Variants in DCAF6 observed in about 807,000 individuals in gnomAD.
DCAF6 encodes DDB1- and CUL4-associated factor 6.
A neutral mutation model predicts 125.1 loss-of-function variants in DCAF6; 54 were observed. That is an observed-to-expected ratio of 0.43 (90% CI 0.35 to 0.54). The LOEUF (loss-of-function observed/expected upper bound fraction) is 0.54. DCAF6 is among the 20% of genes least tolerant of loss of function. The pLI is 0.01. For synonymous variants in DCAF6, 371 were observed against 390.4 expected, an observed-to-expected ratio of 0.95 and a Z score of 0.58; for missense variants, 934 against 1,161.7, an observed-to-expected ratio of 0.80 and a Z score of 2.85.
the DCAF6 span, among the ~76,000 whole-genome samples, chr1:167,865,720 A>G: frequency 6.6e-6 from 1 of 152,266 alleles, no homozygotes; most frequent in Non-Finnish European, 1.5e-5. Context: ...TTAAGACAGC[A>G]TACCAAGATG....
the DCAF6 span, among the ~76,000 whole-genome samples, chr1:167,882,540 C>A: frequency 1.3e-5 from 2 of 150,532 alleles, no homozygotes; most frequent in South Asian, 4.2e-4. Context: ...CAGAGGCAGT[C>A]CCCTCCCTGC....
At chr1:168,036,537 C>G (rs1292153501) in intron 12 of DCAF6, among the ~76,000 whole-genome samples, 2 of 152,214 alleles carry the variant, frequency 1.3e-5, no homozygotes, top group African/African-American at 2.4e-5. Context: ...CTTTAGCTGT[C>G]TGTTTCATCT....
intron 17 of DCAF6, among the ~76,000 whole-genome samples, chr1:168,057,171 T>C (rs555272151): frequency 6.6e-6 from 1 of 152,346 alleles, no homozygotes; most frequent in Admixed American, 6.5e-5. Context: ...TGTGCCATTC[T>C]ACCTATGTGT....
chr1:167,916,834 C>G, the DCAF6 span: 4 of 152,194 alleles, frequency 2.6e-5, no homozygotes, highest in Non-Finnish European at 4.4e-5. Context: ...ATGCCAAACA[C>G]ACAAATGAAT....
intron 10 of DCAF6, among the ~76,000 whole-genome samples, chr1:168,009,689 C>G (rs1684015634): frequency 6.6e-6 from 1 of 152,038 alleles, no homozygotes; most frequent in African/African-American, 2.4e-5. Flanking sequence ...TGGCCAACTT[C>G]CTTTTCCTTG....
intron 12 of DCAF6, among the ~76,000 whole-genome samples, chr1:168,038,088 T>G (rs965200626): frequency 6.6e-6 from 1 of 152,218 alleles, no homozygotes; most frequent in African/African-American, 2.4e-5. Flanking sequence ...ATGTTAATAC[T>G]TTTTGATTCC....
chr1:168,043,386 A>T (rs1688789507), intron 14 of DCAF6, among the ~76,000 whole-genome samples: 1 of 152,170 alleles, frequency 6.6e-6, no homozygotes, highest in African/African-American at 2.4e-5. Flanking sequence ...TGTTCATCAT[A>T]CTATAAATGG....
At chr1:167,869,487 G>C in the DCAF6 span, among the ~76,000 whole-genome samples, 1 of 152,206 alleles carries the variant, frequency 6.6e-6, no homozygotes, top group African/African-American at 2.4e-5. Context: ...GAAAAGGACA[G>C]AGAAGCGAAA....
At chr1:167,876,157 T>C in the DCAF6 span, among the ~76,000 whole-genome samples, 1 of 150,886 alleles carries the variant, frequency 6.6e-6, no homozygotes, top group South Asian at 2.1e-4. Context: ...CTCTGGAGGC[T>C]GAGGCAGGAG....
chr1:167,962,004 A>G (rs901126272), intron 2 of DCAF6, among the ~76,000 whole-genome samples: 5 of 152,126 alleles, frequency 3.3e-5, no homozygotes, highest in African/African-American at 1.2e-4. Context: ...GGGATTTTCC[A>G]GTTATCTTTC....
the DCAF6 span, chr1:167,901,915 G>C: frequency 8.1e-6 from 13 of 1,605,322 alleles, no homozygotes; most frequent in East Asian, 2.7e-4. Context: ...CCTATCTCCT[G>C]GCCACTCCCT....
intron 1 of DCAF6, chr1:167,937,282 TGATGGG>T: frequency 2.1e-6 from 1 of 483,670 alleles, no homozygotes; most frequent in Admixed American, 3.7e-5. Flanking sequence ...TTGGGGTCGC[TGATGGG>T]TTGGGACTCG....
Position 168,020,943 on chromosome 1 carries a change from A to G in DCAF6, c.1550-2045A>G, listed in dbSNP as rs80043524. 7.6e-3 allele frequency among the ~76,000 whole-genome samples: 1,163 copies of G among 152,258 alleles called. 8 individuals carry two copies. Among genetic ancestry groups the G allele is most frequent in the South Asian group, 0.041 (199 of 4,826 alleles). Reference sequence around the variant, plus strand: ...GATTTCTTCATAAAATTAATCTTCAAGATGGGAGGAACAGCAAATGCCTCA... The same window carrying G: ...GATTTCTTCATAAAATTAATCTTCAGGATGGGAGGAACAGCAAATGCCTCA... On this transcript the variant is annotated intron_variant, in intron 11 of 21. Coordinates refer to ENST00000367840, the MANE Select transcript of DCAF6 (RefSeq NM_001198956.2).
the DCAF6 span, among the ~76,000 whole-genome samples, chr1:167,890,568 C>T: frequency 6.7e-6 from 1 of 150,190 alleles, no homozygotes; most frequent in Admixed American, 6.7e-5. Context: ...AGGCTACCAC[C>T]TATTTTTGTT....
At chr1:168,056,498 G>A in intron 17 of DCAF6, 1 of 179,022 alleles carries the variant, frequency 5.6e-6, no homozygotes, top group South Asian at 1.3e-4. Flanking sequence ...AGGGGCCCAG[G>A]CTTAAGTTTT....
intron 1 of DCAF6, among the ~76,000 whole-genome samples, chr1:167,940,235 T>G (rs1030075064): frequency 6.6e-6 from 1 of 152,264 alleles, no homozygotes; most frequent in African/African-American, 2.4e-5. Context: ...AAGATATGTT[T>G]ACTTAGAGCT....
chr1:167,991,917 G>T (rs1680890180), intron 6 of DCAF6, among the ~76,000 whole-genome samples: 1 of 152,084 alleles, frequency 6.6e-6, no homozygotes, highest in Non-Finnish European at 1.5e-5. Flanking sequence ...AATCCAGTAT[G>T]ACCTCACTGT....
At position 167,997,706 on chromosome 1, in the gene DCAF6, G is replaced by A. The variant is rs373132820; in HGVS notation, c.903+4266G>A. Reference sequence around the variant, plus strand: ...ATAAAAATAAAAAGAGTGACCCACAGGATGGGAGAAAATGTTTTGCAGATC... The same window carrying A: ...ATAAAAATAAAAAGAGTGACCCACAAGATGGGAGAAAATGTTTTGCAGATC... On this transcript the variant is annotated intron_variant, in intron 7 of 21. Transcript: ENST00000367840. Among the ~76,000 whole-genome samples the A allele has an allele frequency of 7.8e-4, 119 of 152,226 alleles. 1 individual carries two copies. The South Asian group carries it at 0.023, about 29-fold the overall frequency.
chr1:167,896,592 T>TA, the DCAF6 span: 6 of 1,606,250 alleles, frequency 3.7e-6, no homozygotes, highest in Admixed American at 5.0e-5. Flanking sequence ...GGTGGGTACT[T>TA]ACTTTTGTGC....
Sources: gnomAD v4.1 joint callset for allele counts (sites outside exome capture counted in the v4.1 genomes callset) on GRCh38, gnomAD v4.1.1 for gene constraint, MANE v1.5 for transcripts, NCBI Gene and HGNC (gene_info 2026-07-23, HGNC 2026-07-21) for gene names.